ZNF536: variants seen among roughly 807,000 people sequenced by gnomAD.
ZNF536 encodes zinc finger protein 536.
Under a neutral mutation model 84.5 loss-of-function variants are expected in ZNF536, and 13 were observed. The observed-to-expected ratio is 0.15, with a 90% CI of 0.10 to 0.24. The LOEUF (loss-of-function observed/expected upper bound fraction) is 0.24, where lower values mean the gene tolerates loss of function less well. Among genes scored for constraint, ZNF536 ranks in the 10% least tolerant of loss-of-function variants. The pLI is 1.00. For missense variants in ZNF536, 1,536 were observed against 1,747.5 expected (o/e 0.88, Z 2.16); for synonymous variants, 811 against 742.5 (o/e 1.09, Z -1.50).
chr19:30,548,510 C>T lies in ZNF536; in HGVS notation c.2891C>T (p.Ser964Phe), dbSNP rs1474387763. 1 of 1,614,150 alleles carries T rather than the reference C, an allele frequency of 6.2e-7. No individual in the cohort carries two copies. Among genetic ancestry groups the T allele is most frequent in the South Asian group, 1.1e-5 (1 of 91,086 alleles). Residue 964 changes from serine (S) to phenylalanine (F), a missense_variant, in exon 4 of 5, where the codon TCC becomes TTC. Around this residue, in one of 8 missense-constraint regions of ZNF536, gnomAD observed 624 missense variants for 603.1 expected, o/e 1.03. Coordinates refer to ENST00000355537, the MANE Select transcript of ZNF536 (RefSeq NM_014717.3). ...GAGGAGAAACCCAGTGGCAAGTCCTCCCAGAGGAAGTCCGAGAAATCTCAG... is the reference window on the plus strand; with the variant it reads ...GAGGAGAAACCCAGTGGCAAGTCCTTCCAGAGGAAGTCCGAGAAATCTCAG... The part of the protein sequence containing the change: ...GGEEKPSGKS[S>F]QRKSEKSQYE...
chr19:30,588,359 C>A (rs1474780455), intron 1 of ZNF536, among the ~76,000 whole-genome samples: 1 of 152,152 alleles, frequency 6.6e-6, no homozygotes, highest in Non-Finnish European at 1.5e-5. Context: ...GTCCTGATCA[C>A]CATGGTCAGT....
At chr19:30,302,175 T>A (rs1358360825) in intron 2 of ZNF536, among the ~76,000 whole-genome samples, 1 of 152,060 alleles carries the variant, frequency 6.6e-6, no homozygotes, top group African/African-American at 2.4e-5. Flanking sequence ...ACTGGTGCAA[T>A]GATGTGGAAA....
At chr19:30,519,628 G>A (rs867160812) in intron 2 of ZNF536, among the ~76,000 whole-genome samples, 4 of 152,324 alleles carry the variant, frequency 2.6e-5, no homozygotes, top group Middle Eastern at 3.4e-3. Context: ...TGGACCCACT[G>A]CCAGGCCCCA....
At chr19:30,477,859 T>C (rs1170709681) in intron 2 of ZNF536, among the ~76,000 whole-genome samples, 1 of 152,212 alleles carries the variant, frequency 6.6e-6, no homozygotes, top group East Asian at 1.9e-4. Flanking sequence ...TCCTCTATTG[T>C]TATAAGTGAC....
chr19:30,622,277 CA>C (rs1424990649), intron 1 of ZNF536, among the ~76,000 whole-genome samples: 1 of 152,240 alleles, frequency 6.6e-6, no homozygotes, highest in Admixed American at 6.5e-5. Context: ...TGGTGTTTAG[CA>C]AAAGCAAAAT....
At chr19:30,286,548 A>G (rs202011180) in intron 2 of ZNF536, among the ~76,000 whole-genome samples, 4,871 of 92,432 alleles carry the variant, frequency 0.053, 267 homozygotes, top group African/African-American at 0.21. Context: ...GAGAGAGAGA[A>G]AGAGAGAGAC....
At chr19:30,329,231 C>T (rs941666376) in intron 2 of ZNF536, among the ~76,000 whole-genome samples, 25 of 152,200 alleles carry the variant, frequency 1.6e-4, no homozygotes, top group Non-Finnish European at 3.1e-4. Flanking sequence ...TGAGACAGGT[C>T]CGAAAGGACT....
upstream of ZNF536, among the ~76,000 whole-genome samples, chr19:30,226,316 T>C (rs1200557376): frequency 1.3e-5 from 2 of 151,986 alleles, no homozygotes; most frequent in Non-Finnish European, 2.9e-5. This position sits in a 1 kb window ranked among gnomAD's most constrained non-coding sequence, Gnocchi z 4.6. Flanking sequence ...GGGACGGGGG[T>C]TCGCCTTGCG....
intron 1 of ZNF536, among the ~76,000 whole-genome samples, chr19:30,393,772 G>A (rs2049696887): frequency 6.6e-6 from 1 of 152,316 alleles, no homozygotes; most frequent in South Asian, 2.1e-4. Context: ...GAGCTGAGCT[G>A]GAGAGAAAGA....
chr19:30,638,441 G>A (rs974570514), intron 1 of ZNF536, among the ~76,000 whole-genome samples: 5 of 152,230 alleles, frequency 3.3e-5, no homozygotes, highest in African/African-American at 1.2e-4. Context: ...GGTGGAAGGT[G>A]AAGTGGGAGC....
rs533601069 is a variant in ZNF536 at position 30,637,264 on chromosome 19, A to G, written c.170-73493A>G. Among the ~76,000 whole-genome samples, 21 of 152,330 alleles carry G rather than the reference A, an allele frequency of 1.4e-4. 1 individual carries two copies. The South Asian group carries it at 2.7e-3, about 20-fold the overall frequency. On this transcript the variant is annotated intron_variant, in intron 1 of 1. Coordinates refer to the ZNF536 transcript ENST00000592773. ...CCTCTTTTCAACCCACCCTAAGAAC[A>G]GTCTCTAGCCTTTCCACTTTGGCAT...
At chr19:30,344,653 G>A (rs1335153701) in intron 2 of ZNF536, among the ~76,000 whole-genome samples, 2 of 146,584 alleles carry the variant, frequency 1.4e-5, no homozygotes, top group Non-Finnish European at 3.0e-5. Context: ...CCCTCGCTTG[G>A]GCTGGAGCAG....
chr19:30,635,979 G>A (rs952536592), intron 1 of ZNF536, among the ~76,000 whole-genome samples: 7 of 152,194 alleles, frequency 4.6e-5, no homozygotes, highest in South Asian at 2.1e-4. Context: ...GTGGGCCGCC[G>A]GAGAGCTGTG....
chr19:30,239,184 G>C (rs537653922), intron 1 of ZNF536, among the ~76,000 whole-genome samples: 2 of 152,286 alleles, frequency 1.3e-5, no homozygotes, highest in East Asian at 3.9e-4. Context: ...CATCTTCCCC[G>C]GGGAAATTTG....
intron 1 of ZNF536, among the ~76,000 whole-genome samples, chr19:30,669,445 C>G (rs1337277181): frequency 6.6e-6 from 1 of 152,226 alleles, no homozygotes; most frequent in Admixed American, 6.5e-5. Flanking sequence ...GGGGACTCAG[C>G]CTCGGTGTCC....
chr19:30,457,019 G>C (rs995499425), intron 2 of ZNF536, among the ~76,000 whole-genome samples: 6 of 139,150 alleles, frequency 4.3e-5, no homozygotes, highest in African/African-American at 1.6e-4. Flanking sequence ...TCCAGCCTAG[G>C]CAACAGAGCA....
intron 2 of ZNF536, among the ~76,000 whole-genome samples, chr19:30,284,940 G>A (rs150221838): frequency 1.6e-3 from 250 of 152,228 alleles, no homozygotes; most frequent in East Asian, 5.4e-3. Flanking sequence ...ATTCCTGACC[G>A]TGGATTACTT....
chr19:30,355,339 A>G (rs1296000017), intron 3 of ZNF536, among the ~76,000 whole-genome samples: 7 of 152,074 alleles, frequency 4.6e-5, no homozygotes, highest in African/African-American at 7.2e-5. Flanking sequence ...CTCATCACCA[A>G]TGGGATGGTG....
At chr19:30,596,619 T>C (rs2047473295) in intron 1 of ZNF536, among the ~76,000 whole-genome samples, 1 of 152,138 alleles carries the variant, frequency 6.6e-6, no homozygotes, top group Non-Finnish European at 1.5e-5. Context: ...GTTTGAACTG[T>C]TTTGCTGAAA....
Sources: gnomAD v4.1 joint callset for allele counts (sites outside exome capture counted in the v4.1 genomes callset) on GRCh38, gnomAD v4.1.1 for gene constraint, gnomAD v4.1.1 regional missense constraint, Gnocchi (gnomAD v3.1) non-coding constraint, MANE v1.5 for transcripts, NCBI Gene and HGNC (gene_info 2026-07-23, HGNC 2026-07-21) for gene names.